The following MLANA variants were observed in gnomAD, a reference collection of about 807,000 sequenced individuals.
MLANA encodes the protein melan-A.
In MLANA, 21 loss-of-function variants were observed where a neutral mutation model predicts 15.7. That is an observed-to-expected ratio of 1.33 (90% CI 0.95 to 1.92). The LOEUF is 1.92. Ranked by LOEUF, MLANA falls within the 40% of genes most tolerant of loss-of-function variation. The pLI is 0.00. For missense variants in MLANA, 164 were observed against 143.8 expected, an observed-to-expected ratio of 1.14 and a Z score of -0.72; for synonymous variants, 56 against 51.5, an observed-to-expected ratio of 1.09 and a Z score of -0.37.
rs753976859 is a variant in MLANA at position 5,897,630 on chromosome 9, C to T, written c.151C>T (p.Arg51Ter). ...LLIGCWYCRRRNGYRALMDKS... is the reference protein window; with the variant it reads ...LLIGCWYCRR ...CATCGGCTGTTGGTATTGTAGAAGA[C>T]GAAATGGATACAGAGCCTTGATGGT... The change falls in exon 3 of 5, where the codon CGA becomes TGA. Residue 51 changes from arginine to a stop codon, truncating the protein, a stop_gained. Transcript: ENST00000381477. LOFTEE classifies it high-confidence loss of function. 2.8e-5 allele frequency: 45 copies of T among 1,613,910 alleles called. No individual in the cohort carries two copies. The highest frequency in any genetic ancestry group is 2.0e-4 in the East Asian group (9 of 44,902).
chr9:5,896,137 A>G (rs1831997578), intron 2 of MLANA, among the ~76,000 whole-genome samples: 1 of 152,178 alleles, frequency 6.6e-6, no homozygotes, highest in Non-Finnish European at 1.5e-5. Context: ...GTTGCTGTGA[A>G]TGTTGGTTCT....
At chr9:5,895,724 G>A (rs1368265344) in intron 2 of MLANA, among the ~76,000 whole-genome samples, 1 of 152,198 alleles carries the variant, frequency 6.6e-6, no homozygotes, top group Non-Finnish European at 1.5e-5. Context: ...CCTATGATCT[G>A]CACCTTAACG....
chr9:5,902,781 A>T (rs1832528011), intron 3 of MLANA, among the ~76,000 whole-genome samples: 1 of 151,860 alleles, frequency 6.6e-6, no homozygotes, highest in African/African-American at 2.4e-5. Flanking sequence ...TACTGGCATT[A>T]TAGGCATGAG....
chr9:5,907,042 T>C (rs974663376), intron 4 of MLANA, 44 bp downstream of exon 4: 2 of 1,258,562 alleles, frequency 1.6e-6, no homozygotes, highest in Non-Finnish European at 2.2e-6. Context: ...GAATGGCTGT[T>C]TTTAACTCAA....
chr9:5,891,400 G>C (rs1017217430), intron 1 of MLANA: 1 of 152,170 alleles, frequency 6.6e-6, no homozygotes, highest in African/African-American at 2.4e-5. Context: ...TGAGAGGACT[G>C]GTGAGTTTGA....
At chr9:5,891,594 G>GA (rs1831660872) in intron 1 of MLANA, among the ~76,000 whole-genome samples, 1 of 152,102 alleles carries the variant, frequency 6.6e-6, no homozygotes, top group Non-Finnish European at 1.5e-5. Context: ...TAAGAGAGCA[G>GA]AAAAATACAC....
chr9:5,900,244 G>C (rs1441885669), intron 3 of MLANA, among the ~76,000 whole-genome samples: 1 of 152,130 alleles, frequency 6.6e-6, no homozygotes, highest in Non-Finnish European at 1.5e-5. Flanking sequence ...ATTTTGCTTG[G>C]TAAGTTTCAA....
At chr9:5,893,589 C>G (rs985451284) in intron 2 of MLANA, among the ~76,000 whole-genome samples, 2 of 152,130 alleles carry the variant, frequency 1.3e-5, no homozygotes, top group Non-Finnish European at 2.9e-5. Context: ...GTCCTGACAG[C>G]AAAAACATAC....
intron 3 of MLANA, among the ~76,000 whole-genome samples, chr9:5,903,439 T>C (rs926126876): frequency 6.6e-6 from 1 of 152,234 alleles, no homozygotes; most frequent in Non-Finnish European, 1.5e-5. Context: ...TTTTTGCATC[T>C]ATATTTATGA....
Position 5,908,981 on chromosome 9 carries a change from G to A in MLANA, c.*273G>A. 7.6e-6 allele frequency: 3 copies of A among 395,864 alleles called. No homozygotes were observed. The highest frequency in any genetic ancestry group is 9.1e-6 in the Non-Finnish European group (2 of 219,842). 24.5% of individuals were successfully genotyped at this position (395,864 alleles called of 1,614,324 possible). A position where few individuals can be genotyped will look rare whatever the true frequency, so the allele number is the denominator to read the frequency against. Reference sequence around the variant, plus strand: ...GAGGTAATGTTAGTAAATCCATGGTGTTATTTTCTGAGAGACAGAATTCAA... The same window carrying A: ...GAGGTAATGTTAGTAAATCCATGGTATTATTTTCTGAGAGACAGAATTCAA... On this transcript the variant is annotated 3_prime_UTR_variant, in exon 5 of 5. Transcript: ENST00000381477.
chr9:5,894,169 C>T lies in MLANA; in HGVS notation c.77+1618C>T, dbSNP rs145581630. The stretch of plus-strand genomic sequence containing the variant: ...TGTGAAGCTGGAGGCTGATGCTAGT[C>T]AGCTCAGTAGGCCGAAAGTGGAGTT... On this transcript the variant is annotated intron_variant, in intron 2 of 4. Transcript: ENST00000381477. This position sits in a 1 kb window ranked among gnomAD's most constrained non-coding sequence, Gnocchi z 4.0. 1.6e-4 allele frequency among the ~76,000 whole-genome samples: 24 copies of T among 152,232 alleles called. No individual in the cohort carries two copies. Among genetic ancestry groups the T allele is most frequent in the African/African-American group, 5.5e-4 (23 of 41,546 alleles).
At chr9:5,904,983 C>G (rs1328944629) in intron 3 of MLANA, among the ~76,000 whole-genome samples, 3 of 151,880 alleles carry the variant, frequency 2.0e-5, no homozygotes, top group African/African-American at 4.8e-5. Flanking sequence ...CTGTGTTAGC[C>G]AGGATGGTCT....
At chr9:5,905,573 G>T in intron 3 of MLANA, among the ~76,000 whole-genome samples, 1 of 152,162 alleles carries the variant, frequency 6.6e-6, no homozygotes, top group East Asian at 1.9e-4. Context: ...AGCATCACAT[G>T]ACAGATTGCA....
At chr9:5,892,710 A>G (rs1216320250) in intron 2 of MLANA, among the ~76,000 whole-genome samples, 159 bp downstream of exon 2, 3 of 152,168 alleles carry the variant, frequency 2.0e-5, no homozygotes, top group Non-Finnish European at 4.4e-5. Context: ...CTGTGCTTCT[A>G]TAAGGGGCTC....
intron 3 of MLANA, among the ~76,000 whole-genome samples, chr9:5,904,274 A>AT (rs981615926): frequency 6.6e-6 from 1 of 152,198 alleles, no homozygotes; most frequent in African/African-American, 2.4e-5. Context: ...CTGTCTTTTA[A>AT]TTGGTGCATT....
At chr9:5,900,123 T>C (rs1036017614) in intron 3 of MLANA, among the ~76,000 whole-genome samples, 2 of 152,246 alleles carry the variant, frequency 1.3e-5, no homozygotes, top group Non-Finnish European at 2.9e-5. Context: ...TTTGATCCTA[T>C]TGAACACAAA....
At chr9:5,897,467 T>A (rs1832105829) in intron 2 of MLANA, 90 bp from the exon 3 acceptor site, 2 of 1,230,576 alleles carry the variant, frequency 1.6e-6, no homozygotes, top group Admixed American at 3.4e-5. Context: ...GTCGTCAAAG[T>A]CCATATGAAG....
intron 3 of MLANA, among the ~76,000 whole-genome samples, chr9:5,900,929 GTT>G (rs926789904): frequency 7.1e-6 from 1 of 140,234 alleles, no homozygotes; most frequent in Non-Finnish European, 1.6e-5. Context: ...AGGGCACTGT[GTT>G]TTTCAATGCA....
intron 2 of MLANA, among the ~76,000 whole-genome samples, 199 bp downstream of exon 2, chr9:5,892,750 G>A (rs1285004970): frequency 6.6e-6 from 1 of 152,206 alleles, no homozygotes; most frequent in African/African-American, 2.4e-5. Context: ...CAAACAGGCA[G>A]GAAGATGGGA....
Sources: gnomAD v4.1 joint callset for allele counts (sites outside exome capture counted in the v4.1 genomes callset) on GRCh38, gnomAD v4.1.1 for gene constraint, Gnocchi (gnomAD v3.1) non-coding constraint, MANE v1.5 for transcripts, NCBI Gene and HGNC (gene_info 2026-07-23, HGNC 2026-07-21) for gene names.